The following KIF6 variants were observed in gnomAD, a reference collection of about 807,000 sequenced individuals.
KIF6 encodes the protein kinesin family member 6.
A neutral mutation model predicts 112.7 loss-of-function variants in KIF6; 106 were observed. The ratio of observed to expected loss-of-function variants is 0.94; its 90% CI spans 0.80 to 1.11. The LOEUF (loss-of-function observed/expected upper bound fraction) is 1.11. Among genes scored for constraint, KIF6 ranks in the 50% least tolerant of loss-of-function variants. KIF6 has a pLI of 0.00. For synonymous variants in KIF6, 339 were observed against 339.9 expected (o/e 1.00, Z 0.03); for missense variants, 929 against 964.0 (o/e 0.96, Z 0.48).
At chr6:39,508,228 A>G (rs529836101) in intron 13 of KIF6, among the ~76,000 whole-genome samples, 28 of 151,924 alleles carry the variant, frequency 1.8e-4, no homozygotes, top group African/African-American at 6.8e-4. Flanking sequence ...TTAAAATTTG[A>G]TAATCAGGGT....
At chr6:39,714,104 A>G (rs1486229611) in intron 3 of KIF6, among the ~76,000 whole-genome samples, 1 of 152,170 alleles carries the variant, frequency 6.6e-6, no homozygotes, top group Non-Finnish European at 1.5e-5. Flanking sequence ...AGTCCCTAGG[A>G]GACTGTGAAT....
At chr6:39,725,137 C>G in intron 1 of KIF6, 108 bp downstream of exon 1, 1 of 867,074 alleles carries the variant, frequency 1.2e-6, no homozygotes, top group Non-Finnish European at 1.7e-6. Context: ...GCGGCCTCGG[C>G]GCCCACCAGC....
chr6:39,552,201 C>T (rs966612024), intron 10 of KIF6, among the ~76,000 whole-genome samples: 6 of 152,154 alleles, frequency 3.9e-5, no homozygotes, highest in Non-Finnish European at 8.8e-5. Context: ...AACTAACATC[C>T]CTTGATAGTC....
At chr6:39,489,475 G>T (rs113100479) in intron 13 of KIF6, among the ~76,000 whole-genome samples, 2,001 of 152,074 alleles carry the variant, frequency 0.013, 51 homozygotes, top group African/African-American at 0.045. Context: ...GGTGAGGGAG[G>T]GATAAAGATG....
At chr6:39,686,138 T>A (rs1052540646) in intron 3 of KIF6, among the ~76,000 whole-genome samples, 3 of 152,238 alleles carry the variant, frequency 2.0e-5, no homozygotes, top group Admixed American at 6.5e-5. Flanking sequence ...AAATGACATC[T>A]TCTTCTTAAG....
chr6:39,584,459 A>AAAAAGAC (rs1561836472), intron 9 of KIF6, among the ~76,000 whole-genome samples: 36 of 128,604 alleles, frequency 2.8e-4, no homozygotes, highest in South Asian at 1.2e-3. Flanking sequence ...AAAAAAAAAA[A>AAAAAGAC]AGACTATTAT....
intron 13 of KIF6, among the ~76,000 whole-genome samples, chr6:39,443,860 A>C (rs1772130402): frequency 6.6e-6 from 1 of 152,222 alleles, no homozygotes; most frequent in Non-Finnish European, 1.5e-5. Flanking sequence ...CTTAGCTTGT[A>C]AGTAAGTAGA....
intron 3 of KIF6, among the ~76,000 whole-genome samples, chr6:39,705,411 A>G (rs986224763): frequency 2.6e-5 from 4 of 152,244 alleles, no homozygotes; most frequent in Non-Finnish European, 4.4e-5. Context: ...TTCAGGAAGG[A>G]AACAGAAATA....
chr6:39,479,247 G>T (rs2150454011), intron 13 of KIF6, among the ~76,000 whole-genome samples: 1 of 152,240 alleles, frequency 6.6e-6, no homozygotes, highest in East Asian at 1.9e-4. Flanking sequence ...TTAGATTTAA[G>T]TCCTTGATCT....
intron 2 of KIF6, 152 bp downstream of exon 2, chr6:39,720,550 G>A (rs1790150152): frequency 1.8e-6 from 1 of 546,356 alleles, no homozygotes; most frequent in Non-Finnish European, 3.3e-6. Flanking sequence ...CAGTGAAAAG[G>A]CAACTTGAGT....
At chr6:39,590,188 A>G (rs1436192493) in intron 7 of KIF6, among the ~76,000 whole-genome samples, 1 of 152,178 alleles carries the variant, frequency 6.6e-6, no homozygotes, top group Non-Finnish European at 1.5e-5. Context: ...AGGTGTGCCC[A>G]AATACCCAAA....
intron 3 of KIF6, among the ~76,000 whole-genome samples, chr6:39,704,306 T>C (rs1789054812): frequency 6.6e-6 from 1 of 152,178 alleles, no homozygotes; most frequent in Non-Finnish European, 1.5e-5. Flanking sequence ...ACAGTATCAT[T>C]TTCCCCACTT....
chr6:39,544,937 T>C (rs1022080446), intron 11 of KIF6, among the ~76,000 whole-genome samples: 2 of 152,134 alleles, frequency 1.3e-5, no homozygotes, highest in South Asian at 2.1e-4. Context: ...TTCCCTAAAT[T>C]GGGAAATGCC....
intron 13 of KIF6, among the ~76,000 whole-genome samples, chr6:39,509,047 A>G (rs538726047): frequency 4.4e-4 from 67 of 152,146 alleles, no homozygotes; most frequent in Non-Finnish European, 6.9e-4. Context: ...AGGCAGCAAT[A>G]TTTGCTGTTC....
intron 3 of KIF6, among the ~76,000 whole-genome samples, chr6:39,698,358 T>C (rs1191716518): frequency 1.3e-5 from 2 of 152,210 alleles, no homozygotes; most frequent in African/African-American, 4.8e-5. Flanking sequence ...TACTGCCTAG[T>C]TGTAACATTA....
At chr6:39,549,581 G>A (rs571574404) in intron 10 of KIF6, among the ~76,000 whole-genome samples, 12 of 152,284 alleles carry the variant, frequency 7.9e-5, no homozygotes, top group Middle Eastern at 3.4e-3. Context: ...ACCATATTGG[G>A]TGATGTATTT....
chr6:39,611,494 T>C (rs1041668425), intron 6 of KIF6, among the ~76,000 whole-genome samples: 3 of 152,142 alleles, frequency 2.0e-5, no homozygotes, highest in African/African-American at 7.2e-5. Context: ...CTGGAGATCA[T>C]GGTGGAACAG....
intron 10 of KIF6, among the ~76,000 whole-genome samples, chr6:39,566,945 G>A (rs1173611635): frequency 6.6e-6 from 1 of 152,100 alleles, no homozygotes; most frequent in African/African-American, 2.4e-5. Flanking sequence ...AGTAAATACA[G>A]CCAGGTAAAA....
rs181872109 is a variant in KIF6 at position 39,533,194 on chromosome 6, G to A, written c.1645+6809C>T. Among the ~76,000 whole-genome samples the A allele has an allele frequency of 3.7e-3, 564 of 152,344 alleles. 2 individuals are homozygous for A. Among genetic ancestry groups the A allele is most frequent in the African/African-American group, 6.9e-3 (289 of 41,596 alleles). ...GGGTGTAGTGCACCGTGCGTGAGCC[G>A]AAGCAGGGCAAGGCATTGCCTCACT... On this transcript the variant is annotated intron_variant, in intron 13 of 22. Transcript: ENST00000287152.
Sources: allele counts gnomAD v4.1 joint callset (sites outside exome capture counted in the v4.1 genomes callset), GRCh38; gene constraint gnomAD v4.1.1; transcripts MANE v1.5; gene names NCBI Gene and HGNC (gene_info 2026-07-23, HGNC 2026-07-21).